KATNAL1: variants seen among roughly 807,000 people sequenced by gnomAD.
KATNAL1 encodes katanin p60 ATPase-containing subunit A-like 1.
KATNAL1 carries 32 observed loss-of-function variants against 55.2 expected under a neutral mutation model. The observed-to-expected ratio is 0.58, with a 90% CI of 0.44 to 0.78. KATNAL1 has a LOEUF of 0.78. Ranked by LOEUF, KATNAL1 falls within the 30% of genes least tolerant of loss-of-function variation. The pLI is 0.00. For synonymous variants in KATNAL1, 193 were observed against 193.6 expected (o/e 1.00, Z 0.02); for missense variants, 466 against 600.9 (o/e 0.78, Z 2.35).
chr13:30,209,381 T>C lies in KATNAL1; in HGVS notation c.1275-643A>G, dbSNP rs556618482. Among the ~76,000 whole-genome samples the C allele has an allele frequency of 2.6e-5, 4 of 152,374 alleles. No homozygotes were observed. In the South Asian group the frequency reaches 8.3e-4, roughly 32 times the overall value. On this transcript the variant is annotated intron_variant, in intron 10 of 10. Transcript: ENST00000380615. ...CCAACAAAAATGTCAAGTTCTTAAA[T>C]ATTTTGCTATAGTAGCAGTAGGAAC... is the stretch of plus-strand genomic sequence containing the variant.
chr13:30,268,368 T>C (rs777839533), intron 3 of KATNAL1, among the ~76,000 whole-genome samples: 4 of 152,198 alleles, frequency 2.6e-5, no homozygotes, highest in Non-Finnish European at 2.9e-5. Flanking sequence ...AGCTATAGAC[T>C]ACAAAATAAA....
chr13:30,235,957 A>C (rs1178140503), intron 6 of KATNAL1, among the ~76,000 whole-genome samples: 1 of 152,228 alleles, frequency 6.6e-6, no homozygotes, highest in African/African-American at 2.4e-5. Context: ...TCTTACAATA[A>C]AGCTAGAAAA....
chr13:30,286,056 T>C (rs1252683398), intron 1 of KATNAL1, among the ~76,000 whole-genome samples: 1 of 152,080 alleles, frequency 6.6e-6, no homozygotes, highest in Non-Finnish European at 1.5e-5. Flanking sequence ...AAAGATATGG[T>C]TTGGAATTGG....
Position 30,256,887 on chromosome 13 carries a change from C to T in KATNAL1, c.324-1272G>A, listed in dbSNP as rs917853962. On this transcript the variant is annotated intron_variant, in intron 3 of 10. Coordinates refer to ENST00000380615, the MANE Select transcript of KATNAL1 (RefSeq NM_032116.5). ...CCAGTTAAACAAGTATTTACTGAGG[C>T]ACCCATTAGGTGGTATATGGCCTCT... 3.3e-5 allele frequency among the ~76,000 whole-genome samples: 5 copies of T among 152,232 alleles called. No individual in the cohort carries two copies. The South Asian group carries it at 1.0e-3, about 32-fold the overall frequency.
At chr13:30,260,847 C>G (rs1013315794) in intron 3 of KATNAL1, among the ~76,000 whole-genome samples, 3 of 148,058 alleles carry the variant, frequency 2.0e-5, no homozygotes, top group Non-Finnish European at 4.6e-5. Context: ...GGCCAACATA[C>G]AGATTCAGGA....
chr13:30,288,026 AAGG>A lies in KATNAL1; in HGVS notation c.-14-4238_-14-4236del, dbSNP rs1881906074. ...CAACTTTCTGTAAGACAGGTTGACT[AAGG>A]AGAAGAATGAAACTCTTTTTAGGGA... On this transcript the variant is annotated intron_variant, in intron 1 of 10. Transcript: ENST00000380615. 2.0e-5 allele frequency among the ~76,000 whole-genome samples: 3 copies of A among 152,340 alleles called. No homozygotes were observed. The South Asian group carries it at 6.2e-4, about 32-fold the overall frequency.
chr13:30,261,327 C>A (rs1489112466), intron 3 of KATNAL1, among the ~76,000 whole-genome samples: 10 of 151,262 alleles, frequency 6.6e-5, no homozygotes, highest in Non-Finnish European at 1.3e-4. Context: ...GCAAAATAAC[C>A]AGCTAACATC....
At chr13:30,221,048 A>C (rs1874804958) in intron 9 of KATNAL1, among the ~76,000 whole-genome samples, 1 of 152,244 alleles carries the variant, frequency 6.6e-6, no homozygotes, top group Non-Finnish European at 1.5e-5. Context: ...TTAAGTAATG[A>C]CATTATTAAA....
At chr13:30,306,784 C>CA (rs1243826656) in intron 1 of KATNAL1, 1 of 152,284 alleles carries the variant, frequency 6.6e-6, no homozygotes, top group Admixed American at 6.5e-5. Flanking sequence ...CGAAAGGCAG[C>CA]AACCTGCGAG....
Position 30,248,894 on chromosome 13 carries a change from C to CCAAAAATA in KATNAL1, c.492+6545_492+6552dup, listed in dbSNP as rs1287983048. Among the ~76,000 whole-genome samples the CCAAAAATA allele has an allele frequency of 9.9e-5, 15 of 152,262 alleles. No individual in the cohort carries two copies. In the East Asian group the frequency reaches 2.9e-3, roughly 29 times the overall value. ...CTAACACAGTGAAACCCCATCTCTA[C>CCAAAAATA]CAAAAATACAAAAAATTAGCCGGGC... On this transcript the variant is annotated intron_variant, in intron 4 of 10. Coordinates refer to ENST00000380615, the MANE Select transcript of KATNAL1 (RefSeq NM_032116.5).
At chr13:30,249,131 C>T (rs1878066288) in intron 4 of KATNAL1, among the ~76,000 whole-genome samples, 1 of 151,848 alleles carries the variant, frequency 6.6e-6, no homozygotes, top group Admixed American at 6.6e-5. Context: ...ACTTGGAAGG[C>T]TGAGGCAGGA....
At chr13:30,229,819 T>C (rs1399414313) in intron 8 of KATNAL1, among the ~76,000 whole-genome samples, 2 of 152,118 alleles carry the variant, frequency 1.3e-5, no homozygotes, top group East Asian at 3.9e-4. Flanking sequence ...ATGGGTAAAT[T>C]GTATGGAAAA....
intron 3 of KATNAL1, among the ~76,000 whole-genome samples, chr13:30,273,155 T>C (rs1880510368): frequency 6.6e-6 from 1 of 152,252 alleles, no homozygotes; most frequent in Non-Finnish European, 1.5e-5. Context: ...ACAAACATCC[T>C]GTTATTCCTT....
intron 9 of KATNAL1, among the ~76,000 whole-genome samples, chr13:30,216,877 AC>A (rs1013855419): frequency 6.6e-6 from 1 of 152,198 alleles, no homozygotes; most frequent in Non-Finnish European, 1.5e-5. Context: ...TTAGAATACC[AC>A]TGTATGTGTA....
chr13:30,294,440 T>C (rs1413950285), intron 1 of KATNAL1, among the ~76,000 whole-genome samples: 1 of 152,180 alleles, frequency 6.6e-6, no homozygotes, highest in South Asian at 2.1e-4. Context: ...CAAAGCCTAA[T>C]CCAGAACAAG....
chr13:30,275,627 G>T (rs1472149532), intron 3 of KATNAL1, among the ~76,000 whole-genome samples: 2 of 152,140 alleles, frequency 1.3e-5, no homozygotes, highest in Non-Finnish European at 2.9e-5. Context: ...ATAAGTTCTA[G>T]ATATCTAATG....
chr13:30,291,094 A>G (rs1239948860), intron 1 of KATNAL1, among the ~76,000 whole-genome samples: 1 of 152,212 alleles, frequency 6.6e-6, no homozygotes, highest in Non-Finnish European at 1.5e-5. Context: ...GGTTCTAACC[A>G]GTGCAATAAG....
At position 30,220,661 on chromosome 13, in the gene KATNAL1, G is replaced by A. The variant is rs374336802; in HGVS notation, c.1147+6751C>T. ...GCTTCTGTTGTTGCTTTAAATAAGC[G>A]TATTATTTTATGAGCTCAATCAGTA... On this transcript the variant is annotated intron_variant, in intron 9 of 10. Coordinates refer to ENST00000380615, the MANE Select transcript of KATNAL1 (RefSeq NM_032116.5). Among the ~76,000 whole-genome samples the A allele has an allele frequency of 5.2e-4, 79 of 152,114 alleles. No individual in the cohort carries two copies. In the South Asian group the frequency reaches 8.1e-3, roughly 16 times the overall value.
At position 30,280,068 on chromosome 13, in the gene KATNAL1, T is replaced by C. The variant is rs1881159406; in HGVS notation, c.318A>G (p.Glu106=). Residue 106 remains glutamate (E), a synonymous_variant, in exon 3 of 11, where the codon GAA becomes GAG. Transcript: ENST00000380615. ...GAATATAAAGTCCTATTTACCTGTG[T>C]TCTGCAGGAACAGGGGGTGGCCAAA... ...PAVWPPPVPA[E]HRAPPQIRRP... 6.2e-7 allele frequency: 1 copy of C among 1,611,184 alleles called. No homozygotes were observed. Among genetic ancestry groups the C allele is most frequent in the Non-Finnish European group, 8.5e-7 (1 of 1,179,098 alleles).
Sources: gnomAD v4.1 joint callset for allele counts (sites outside exome capture counted in the v4.1 genomes callset) on GRCh38, gnomAD v4.1.1 for gene constraint, MANE v1.5 for transcripts, NCBI Gene and HGNC (gene_info 2026-07-23, HGNC 2026-07-21) for gene names.